The following GPN3 variants were observed in gnomAD, a reference collection of about 807,000 sequenced individuals.
The protein encoded by GPN3 is ATP-binding domain 1 family member C.
Under a neutral mutation model 38.7 loss-of-function variants are expected in GPN3, and 31 were observed. That is an observed-to-expected ratio of 0.80 (90% CI 0.60 to 1.08). The LOEUF is 1.08. GPN3 is among the 50% of genes least tolerant of loss of function. GPN3 has a pLI of 0.00. For missense variants in GPN3, 301 were observed against 354.4 expected (o/e 0.85, Z 1.21); for synonymous variants, 116 against 120.2 (o/e 0.96, Z 0.23).
At chr12:110,453,652 T>C (rs961856827) in intron 7 of GPN3, 91 bp downstream of exon 7, 1 of 999,100 alleles carries the variant, frequency 1.0e-6, no homozygotes, top group Non-Finnish European at 1.5e-6. Flanking sequence ...AAAAAACTAA[T>C]TTAAGGAGTC....
upstream of GPN3, chr12:110,468,260 G>T (rs2062651954): frequency 5.0e-6 from 8 of 1,603,280 alleles, no homozygotes; most frequent in Admixed American, 1.7e-5. Flanking sequence ...CGCCCACTGA[G>T]CTCCGGGAAA....
Sources: allele counts gnomAD v4.1 joint callset, GRCh38; gene constraint gnomAD v4.1.1; transcripts MANE v1.5; gene names NCBI Gene and HGNC (gene_info 2026-07-23, HGNC 2026-07-21).